RIT2: variants seen among roughly 807,000 people sequenced by gnomAD.
RIT2 encodes GTP-binding protein Rit2.
RIT2 carries 24 observed loss-of-function variants against 23.7 expected under a neutral mutation model. That is an observed-to-expected ratio of 1.01 (90% CI 0.73 to 1.43). The LOEUF (loss-of-function observed/expected upper bound fraction) is 1.43. RIT2 is among the 40% of genes most tolerant of loss of function. The pLI, the probability that RIT2 is intolerant of heterozygous loss-of-function variation, is 0.00. For missense variants in RIT2, 236 were observed against 266.9 expected (o/e 0.88, Z 0.81); for synonymous variants, 107 against 91.1 (o/e 1.17, Z -0.99).
At chr18:42,847,205 CA>C (rs1906933823) in intron 4 of RIT2, among the ~76,000 whole-genome samples, 1 of 151,948 alleles carries the variant, frequency 6.6e-6, no homozygotes, top group Non-Finnish European at 1.5e-5. Context: ...GGGTATTAAA[CA>C]AAGAAAAATG....
intron 4 of RIT2, among the ~76,000 whole-genome samples, chr18:42,842,588 T>C (rs1906796936): frequency 6.6e-6 from 1 of 152,156 alleles, no homozygotes; most frequent in Admixed American, 6.5e-5. Context: ...AAGACTTTAA[T>C]AGGACACTAA....
intron 4 of RIT2, among the ~76,000 whole-genome samples, chr18:42,808,016 C>T (rs1905733488): frequency 6.6e-6 from 1 of 152,152 alleles, no homozygotes; most frequent in South Asian, 2.1e-4. Flanking sequence ...CCCGCAGATC[C>T]TAATGAGCTG....
At chr18:43,069,345 G>A (rs1912846343) in intron 1 of RIT2, among the ~76,000 whole-genome samples, 1 of 151,980 alleles carries the variant, frequency 6.6e-6, no homozygotes. Flanking sequence ...ACTTGCTTTG[G>A]CTTTACACTG....
intron 1 of RIT2, among the ~76,000 whole-genome samples, chr18:43,062,593 T>C (rs1381077615): frequency 6.6e-6 from 1 of 152,190 alleles, no homozygotes; most frequent in Non-Finnish European, 1.5e-5. Flanking sequence ...TAAGCTACCC[T>C]TTGTCTTCAG....
chr18:43,030,187 A>C (rs1280703690), intron 2 of RIT2, among the ~76,000 whole-genome samples: 1 of 152,112 alleles, frequency 6.6e-6, no homozygotes. Context: ...TAGTGATATT[A>C]AAAATATTCA....
chr18:42,937,725 AT>A (rs1237799216), intron 3 of RIT2, among the ~76,000 whole-genome samples: 1 of 152,198 alleles, frequency 6.6e-6, no homozygotes, highest in Non-Finnish European at 1.5e-5. Flanking sequence ...TAAGACAGGG[AT>A]GGAATATTTC....
At chr18:42,830,345 C>T (rs543470740) in intron 4 of RIT2, among the ~76,000 whole-genome samples, 35 of 152,254 alleles carry the variant, frequency 2.3e-4, no homozygotes, top group African/African-American at 7.9e-4. Context: ...TCACAGTAAA[C>T]ATTTGGAATG....
chr18:42,852,643 A>T (rs1323413181), intron 4 of RIT2, among the ~76,000 whole-genome samples: 1 of 152,172 alleles, frequency 6.6e-6, no homozygotes, highest in East Asian at 1.9e-4. Context: ...CTCTTCTATG[A>T]TCACATGCCC....
intron 4 of RIT2, among the ~76,000 whole-genome samples, chr18:42,746,300 G>A: frequency 6.6e-6 from 1 of 151,998 alleles, no homozygotes; most frequent in Non-Finnish European, 1.5e-5. Context: ...TAATTCAACT[G>A]ACCACAGTCA....
chr18:42,765,562 T>C (rs993437295), intron 4 of RIT2, among the ~76,000 whole-genome samples: 1 of 152,070 alleles, frequency 6.6e-6, no homozygotes, highest in Admixed American at 6.6e-5. Flanking sequence ...AGCCCTCACA[T>C]ACTGAGAGGA....
At chr18:42,906,822 C>T (rs1245951023) in intron 4 of RIT2, among the ~76,000 whole-genome samples, 1 of 152,048 alleles carries the variant, frequency 6.6e-6, no homozygotes, top group African/African-American at 2.4e-5. Flanking sequence ...GTAATGAAAA[C>T]AATACAGCTT....
At chr18:42,841,422 A>G (rs1265333325) in intron 4 of RIT2, among the ~76,000 whole-genome samples, 1 of 152,186 alleles carries the variant, frequency 6.6e-6, no homozygotes, top group Non-Finnish European at 1.5e-5. Flanking sequence ...TTCCTTCTAT[A>G]AAGAGCTATG....
intron 3 of RIT2, among the ~76,000 whole-genome samples, chr18:42,938,021 G>T (rs77416748): frequency 0.022 from 3,274 of 152,230 alleles, 57 homozygotes; most frequent in Admixed American, 0.056. Context: ...CTGAGGCACA[G>T]TAGATAAATA....
At chr18:42,804,383 G>A (rs752757077) in intron 4 of RIT2, among the ~76,000 whole-genome samples, 34 of 151,628 alleles carry the variant, frequency 2.2e-4, no homozygotes, top group Non-Finnish European at 4.0e-4. Flanking sequence ...GTGAAACCCC[G>A]TCTCTACTAA....
intron 4 of RIT2, among the ~76,000 whole-genome samples, chr18:42,832,170 G>A (rs1025269782): frequency 3.9e-5 from 6 of 152,168 alleles, no homozygotes; most frequent in East Asian, 1.9e-4. Flanking sequence ...GGAGGAAATC[G>A]ATAGAGAGGC....
At chr18:43,073,891 A>C (rs1278943061) in intron 1 of RIT2, among the ~76,000 whole-genome samples, 2 of 152,190 alleles carry the variant, frequency 1.3e-5, no homozygotes, top group African/African-American at 4.8e-5. Flanking sequence ...GTAGCAGTTT[A>C]AATGGGTGTG....
intron 1 of RIT2, among the ~76,000 whole-genome samples, chr18:43,057,796 C>A (rs1043097923): frequency 1.1e-5 from 1 of 88,688 alleles, no homozygotes; most frequent in East Asian, 3.0e-4. Flanking sequence ...AAGTGATGGA[C>A]ACTTTTTTTT....
intron 4 of RIT2, among the ~76,000 whole-genome samples, chr18:42,832,053 A>G (rs1480369214): frequency 1.3e-5 from 2 of 152,208 alleles, no homozygotes; most frequent in East Asian, 3.9e-4. Flanking sequence ...TTGAGTTGCT[A>G]TTCCTAGGTT....
At chr18:43,003,761 G>GACACACACACACAC (rs56860348) in intron 2 of RIT2, among the ~76,000 whole-genome samples, 2 of 129,522 alleles carry the variant, frequency 1.5e-5, no homozygotes, top group African/African-American at 2.8e-5. Flanking sequence ...CCTCCTCAGT[G>GACACACACACACAC]ACACACACAC....
Sources: allele counts gnomAD v4.1 joint callset (sites outside exome capture counted in the v4.1 genomes callset), GRCh38; gene constraint gnomAD v4.1.1; transcripts MANE v1.5; gene names NCBI Gene and HGNC (gene_info 2026-07-23, HGNC 2026-07-21).